Variants in DTNB observed in about 807,000 individuals in gnomAD.
The protein encoded by DTNB is DTN-B.
A neutral mutation model predicts 90.7 loss-of-function variants in DTNB; 63 were observed. The observed-to-expected ratio is 0.69, with a 90% CI of 0.57 to 0.86. The LOEUF is 0.86. DTNB is among the 40% of genes least tolerant of loss of function. The probability of loss-of-function intolerance (pLI) is 0.00; values close to 1 mark genes in which losing one functional copy is unlikely to be tolerated. For missense variants in DTNB, 744 were observed against 807.1 expected (o/e 0.92, Z 0.95); for synonymous variants, 277 against 286.7 (o/e 0.97, Z 0.34).
chr2:25,487,724 T>C (rs1008598521), intron 9 of DTNB, among the ~76,000 whole-genome samples: 6 of 152,140 alleles, frequency 3.9e-5, no homozygotes, highest in Admixed American at 3.3e-4. Flanking sequence ...TAGATAGAAA[T>C]AGTATGTAAA....
intron 4 of DTNB, among the ~76,000 whole-genome samples, chr2:25,612,255 A>C (rs2148564150): frequency 6.6e-6 from 1 of 152,322 alleles, no homozygotes; most frequent in Middle Eastern, 3.4e-3. Context: ...GAAAAAAGCA[A>C]GGTATAGAAC....
intron 19 of DTNB, among the ~76,000 whole-genome samples, chr2:25,382,461 A>G (rs1352208035): frequency 6.6e-6 from 1 of 151,278 alleles, no homozygotes; most frequent in African/African-American, 2.4e-5. Flanking sequence ...TCAGTATAAC[A>G]TAGAAGGATG....
chr2:25,552,954 G>A (rs1419541987), intron 8 of DTNB, among the ~76,000 whole-genome samples: 3 of 146,932 alleles, frequency 2.0e-5, no homozygotes, highest in South Asian at 2.2e-4. Context: ...TCCGCTTCCC[G>A]GGTTCACGCC....
chr2:25,616,849 G>A (rs981361744), intron 4 of DTNB, among the ~76,000 whole-genome samples: 5 of 143,624 alleles, frequency 3.5e-5, no homozygotes, highest in East Asian at 2.2e-4. Context: ...GGAGAATGGC[G>A]TGAACCCAGG....
At chr2:25,589,175 G>T (rs779373339) in intron 6 of DTNB, among the ~76,000 whole-genome samples, 1 of 152,006 alleles carries the variant, frequency 6.6e-6, no homozygotes, top group Admixed American at 6.6e-5. Context: ...AAATTAACCA[G>T]CAATAGTATA....
At chr2:25,591,099 C>A (rs751066450) in intron 6 of DTNB, among the ~76,000 whole-genome samples, 13 of 152,242 alleles carry the variant, frequency 8.5e-5, no homozygotes, top group Non-Finnish European at 1.8e-4. Flanking sequence ...CTCAGCCTCG[C>A]TCTGACACTG....
chr2:25,471,544 C>T (rs893822376), intron 10 of DTNB, among the ~76,000 whole-genome samples: 3 of 152,068 alleles, frequency 2.0e-5, no homozygotes. Flanking sequence ...TACAGGTGTG[C>T]ACCACAAAGC....
chr2:25,582,633 G>T (rs751973083), intron 6 of DTNB, among the ~76,000 whole-genome samples: 1 of 152,140 alleles, frequency 6.6e-6, no homozygotes, highest in Non-Finnish European at 1.5e-5. Flanking sequence ...ACTGGGGGGC[G>T]GGAGGAGCTG....
intron 5 of DTNB, among the ~76,000 whole-genome samples, chr2:25,603,726 C>A (rs745578814): frequency 6.6e-6 from 1 of 151,642 alleles, no homozygotes; most frequent in African/African-American, 2.4e-5. Context: ...ATAACAGGAG[C>A]ATTAATAGAG....
chr2:25,455,644 A>G (rs1160130310), intron 10 of DTNB, 150 bp from the exon 11 acceptor site: 6 of 631,668 alleles, frequency 9.5e-6, no homozygotes, highest in Non-Finnish European at 1.6e-5. Context: ...ACAATGCATA[A>G]TGGAATATGG....
intron 12 of DTNB, among the ~76,000 whole-genome samples, chr2:25,442,603 T>C (rs187641977): frequency 4.0e-4 from 61 of 152,328 alleles, no homozygotes; most frequent in Middle Eastern, 6.8e-3. Flanking sequence ...TTTTGTTGTT[T>C]TAAGAAAAAA....
intron 20 of DTNB, 24 bp downstream of exon 20, chr2:25,379,266 A>G: frequency 7.5e-7 from 1 of 1,328,512 alleles, no homozygotes; most frequent in Non-Finnish European, 9.7e-7. Flanking sequence ...GGCCGTGGGG[A>G]GGCAGAGGAC....
chr2:25,588,480 C>A (rs565683774), intron 6 of DTNB, among the ~76,000 whole-genome samples: 1 of 152,234 alleles, frequency 6.6e-6, no homozygotes, highest in South Asian at 2.1e-4. Flanking sequence ...ATTCTCTGGC[C>A]TCAGCCTCCC....
chr2:25,536,711 AGAGAGC>A (rs913145982), intron 8 of DTNB, among the ~76,000 whole-genome samples: 1 of 152,230 alleles, frequency 6.6e-6, no homozygotes, highest in East Asian at 1.9e-4. Flanking sequence ...AGAGGGAGAC[AGAGAGC>A]GAGAGCGAGA....
intron 9 of DTNB, among the ~76,000 whole-genome samples, chr2:25,489,440 GAAGT>G (rs2066901506): frequency 6.6e-6 from 1 of 152,086 alleles, no homozygotes; most frequent in Non-Finnish European, 1.5e-5. Context: ...ATACTTAATA[GAAGT>G]AAGAAAAACT....
At chr2:25,491,624 C>G (rs1021783043) in intron 9 of DTNB, among the ~76,000 whole-genome samples, 4 of 152,046 alleles carry the variant, frequency 2.6e-5, no homozygotes, top group African/African-American at 9.7e-5. Context: ...GCGTCTGCAG[C>G]GATAGCAGAC....
intron 8 of DTNB, 126 bp from the exon 9 acceptor site, chr2:25,531,723 C>T (rs2078243144): frequency 3.9e-6 from 5 of 1,289,018 alleles, no homozygotes; most frequent in Non-Finnish European, 3.1e-6. Context: ...AGTTTCATTA[C>T]ATCAATATCA....
At chr2:25,567,315 C>T (rs1388121742) in intron 8 of DTNB, among the ~76,000 whole-genome samples, 1 of 152,134 alleles carries the variant, frequency 6.6e-6, no homozygotes, top group Non-Finnish European at 1.5e-5. Flanking sequence ...AGGAGAGGGA[C>T]ACCAGTCACA....
chr2:25,454,512 A>G (rs2059720927), intron 11 of DTNB, among the ~76,000 whole-genome samples: 1 of 152,186 alleles, frequency 6.6e-6, no homozygotes, highest in Non-Finnish European at 1.5e-5. Context: ...TGGCACTGTG[A>G]TTCTTCTTTG....
Sources: gnomAD v4.1 joint callset for allele counts (sites outside exome capture counted in the v4.1 genomes callset) on GRCh38, gnomAD v4.1.1 for gene constraint, MANE v1.5 for transcripts, NCBI Gene and HGNC (gene_info 2026-07-23, HGNC 2026-07-21) for gene names.